Variants in CDH18 observed in about 807,000 individuals in gnomAD.
The protein encoded by CDH18 is cadherin 18.
A neutral mutation model predicts 67.9 loss-of-function variants in CDH18; 31 were observed. That is an observed-to-expected ratio of 0.46 (90% CI 0.34 to 0.62). The LOEUF is 0.62. CDH18 is among the 20% of genes least tolerant of loss of function. The probability of loss-of-function intolerance (pLI) is 0.01; values close to 1 mark genes in which losing one functional copy is unlikely to be tolerated. For missense variants in CDH18, 890 were observed against 975.5 expected (o/e 0.91, Z 1.17); for synonymous variants, 362 against 347.2 (o/e 1.04, Z -0.48).
intron 2 of CDH18, among the ~76,000 whole-genome samples, chr5:20,081,370 T>C (rs374056180): frequency 9.9e-5 from 15 of 152,194 alleles, no homozygotes; most frequent in Non-Finnish European, 1.6e-4. Flanking sequence ...ACTAGGAGAC[T>C]AAACTAGTTC....
At chr5:19,512,867 C>T (rs1042763168) in intron 10 of CDH18, among the ~76,000 whole-genome samples, 1 of 151,746 alleles carries the variant, frequency 6.6e-6, no homozygotes, top group East Asian at 1.9e-4. Flanking sequence ...AGCTATAATT[C>T]CACTTATACC....
At chr5:20,032,050 T>C (rs892102151) in intron 2 of CDH18, among the ~76,000 whole-genome samples, 1 of 152,026 alleles carries the variant, frequency 6.6e-6, no homozygotes, top group Non-Finnish European at 1.5e-5. Context: ...TGTTTCTAAA[T>C]TCAAAATATA....
At chr5:20,478,739 C>A (rs527962369) in intron 1 of CDH18, among the ~76,000 whole-genome samples, 1 of 152,228 alleles carries the variant, frequency 6.6e-6, no homozygotes, top group Non-Finnish European at 1.5e-5. Flanking sequence ...ACTGAAGAGC[C>A]CTTGGGCTTT....
intron 1 of CDH18, among the ~76,000 whole-genome samples, chr5:20,462,901 T>C: frequency 6.6e-6 from 1 of 152,176 alleles, no homozygotes; most frequent in Non-Finnish European, 1.5e-5. Context: ...TCCCTCAAAC[T>C]CTATTTAGAA....
intron 1 of CDH18, among the ~76,000 whole-genome samples, chr5:20,405,412 C>T (rs1251729202): frequency 2.0e-5 from 3 of 152,150 alleles, no homozygotes; most frequent in Non-Finnish European, 4.4e-5. Flanking sequence ...GGACCCCTTC[C>T]TTACACCTTA....
At chr5:19,537,362 G>A (rs994678680) in intron 9 of CDH18, among the ~76,000 whole-genome samples, 5 of 151,802 alleles carry the variant, frequency 3.3e-5, no homozygotes, top group Non-Finnish European at 5.9e-5. Flanking sequence ...AAATCTACCT[G>A]TTCCCCCTCT....
chr5:20,323,012 T>TA (rs1267943593), intron 1 of CDH18, among the ~76,000 whole-genome samples: 5 of 151,690 alleles, frequency 3.3e-5, no homozygotes, highest in African/African-American at 4.8e-5. Flanking sequence ...GAATAGGTTT[T>TA]AAAAAAAAGC....
chr5:20,242,526 AG>A (rs1392661714), intron 2 of CDH18, among the ~76,000 whole-genome samples: 8 of 148,212 alleles, frequency 5.4e-5, no homozygotes, highest in Non-Finnish European at 1.0e-4. Flanking sequence ...GATTCATCCA[AG>A]TTGTCCCAAA....
intron 2 of CDH18, among the ~76,000 whole-genome samples, chr5:20,197,503 C>T (rs1739074954): frequency 2.0e-5 from 3 of 152,100 alleles, no homozygotes; most frequent in African/African-American, 4.8e-5. Flanking sequence ...CTTCAAAATA[C>T]CCTTGACATG....
At chr5:19,783,576 G>A (rs1775370840) in intron 3 of CDH18, among the ~76,000 whole-genome samples, 2 of 152,064 alleles carry the variant, frequency 1.3e-5, no homozygotes, top group African/African-American at 4.8e-5. Flanking sequence ...GGATGATAAA[G>A]CCAAACATTC....
intron 1 of CDH18, among the ~76,000 whole-genome samples, chr5:20,274,118 C>A (rs375592525): frequency 2.6e-5 from 4 of 152,162 alleles, no homozygotes; most frequent in African/African-American, 9.6e-5. Flanking sequence ...TAGGCAATAT[C>A]AGAAGCAAAG....
chr5:19,695,059 A>G (rs938091139), intron 5 of CDH18, among the ~76,000 whole-genome samples: 2 of 152,162 alleles, frequency 1.3e-5, no homozygotes, highest in Non-Finnish European at 2.9e-5. Context: ...TTTGCCCTCT[A>G]TCCCACTTGA....
At chr5:19,625,247 G>A (rs1020835711) in intron 5 of CDH18, among the ~76,000 whole-genome samples, 1 of 151,698 alleles carries the variant, frequency 6.6e-6, no homozygotes, top group Non-Finnish European at 1.5e-5. Context: ...CAATTCTACT[G>A]CCTTGTTTTG....
intron 1 of CDH18, among the ~76,000 whole-genome samples, chr5:20,501,946 G>T (rs1754361604): frequency 6.6e-6 from 1 of 151,180 alleles, no homozygotes; most frequent in Non-Finnish European, 1.5e-5. Flanking sequence ...AACAGCAAAA[G>T]AAATTGAGTT....
intron 1 of CDH18, among the ~76,000 whole-genome samples, chr5:20,495,069 C>A (rs143213014): frequency 2.0e-5 from 3 of 152,010 alleles, no homozygotes; most frequent in Non-Finnish European, 2.9e-5. Context: ...GGCAAAAACA[C>A]CTGAATATAA....
chr5:19,623,982 C>CATTATTATTATTATTATTATT (rs70950078), intron 5 of CDH18, among the ~76,000 whole-genome samples: 1 of 139,828 alleles, frequency 7.2e-6, no homozygotes, highest in Non-Finnish European at 1.5e-5. Context: ...TGTCACACTC[C>CATTATTATTATTATTATTATT]ATTATTATTA....
At chr5:19,821,216 T>TAGAGTGCAAC (rs1003895403) in intron 3 of CDH18, among the ~76,000 whole-genome samples, 8 of 152,042 alleles carry the variant, frequency 5.3e-5, no homozygotes, top group African/African-American at 1.9e-4. Context: ...ACAATGATCC[T>TAGAGTGCAAC]AGAGTGCAAC....
intron 1 of CDH18, among the ~76,000 whole-genome samples, chr5:20,299,734 G>A (rs1402471299): frequency 2.2e-5 from 3 of 138,310 alleles, no homozygotes; most frequent in African/African-American, 8.1e-5. Flanking sequence ...CTCCAGCCTG[G>A]GTGACAGAGC....
At chr5:19,833,372 T>C (rs965379847) in intron 3 of CDH18, among the ~76,000 whole-genome samples, 10 of 152,190 alleles carry the variant, frequency 6.6e-5, no homozygotes, top group African/African-American at 2.2e-4. Context: ...ATCGATTTTG[T>C]ATCCTGAGAG....
Sources: gnomAD v4.1 joint callset for allele counts (sites outside exome capture counted in the v4.1 genomes callset) on GRCh38, gnomAD v4.1.1 for gene constraint, MANE v1.5 for transcripts, NCBI Gene and HGNC (gene_info 2026-07-23, HGNC 2026-07-21) for gene names.